The following PPP2R5E variants were observed in gnomAD, a reference collection of about 807,000 sequenced individuals.
The protein encoded by PPP2R5E is serine/threonine-protein phosphatase 2A 56 kDa regulatory subunit epsilon isoform.
Under a neutral mutation model 65.3 loss-of-function variants are expected in PPP2R5E, and 4 were observed. The ratio of observed to expected loss-of-function variants is 0.06; its 90% confidence interval spans 0.03 to 0.14. The LOEUF is 0.14. Among genes scored for constraint, PPP2R5E ranks in the 10% least tolerant of loss-of-function variants. PPP2R5E has a pLI of 1.00. For synonymous variants in PPP2R5E, 183 were observed against 187.4 expected (o/e 0.98, Z 0.19); for missense variants, 274 against 556.1 (o/e 0.49, Z 5.10).
rs1044267379 is a variant in PPP2R5E, at chr14:63,393,932, G to C, written c.741-4C>G. Reference sequence around the variant, plus strand: ...TAAAGCAAAGCCATTGATAATACTAGGGAGAAAAAAGAGACACAAATTAGC... The same window carrying C: ...TAAAGCAAAGCCATTGATAATACTACGGAGAAAAAAGAGACACAAATTAGC... On this transcript the variant is annotated splice_region_variant and splice_polypyrimidine_tract_variant and intron_variant, in intron 7 of 13. Transcript: ENST00000337537. The C allele has an allele frequency of 1.3e-6, 2 of 1,556,662 alleles. No individual in the cohort carries two copies. The highest frequency in any genetic ancestry group is 1.4e-5 in the African/African-American group (1 of 73,434).
Position 63,449,769 on chromosome 14 carries a change from G to A in PPP2R5E, c.354+3920C>T, listed in dbSNP as rs1594888059. Among the ~76,000 whole-genome samples the A allele has an allele frequency of 4.5e-5, 6 of 134,376 alleles. No individual in the cohort carries two copies. In the Admixed American group the frequency reaches 5.5e-4, roughly 12 times the overall value. The allele number at this position is 134,376 out of a possible 152,430, so 88.2% of individuals were successfully genotyped here. A position where few individuals can be genotyped will look rare whatever the true frequency, so the allele number is the denominator to read the frequency against. On this transcript the variant is annotated intron_variant, in intron 3 of 13. Coordinates refer to ENST00000337537, the MANE Select transcript of PPP2R5E (RefSeq NM_006246.5). ...CCACACAAAAATGGAGAACCCCTAA[G>A]TTAAAGTAACTTGCTCACATTGATG...
intron 12 of PPP2R5E, among the ~76,000 whole-genome samples, chr14:63,384,052 C>T (rs1884518785): frequency 6.6e-6 from 1 of 152,176 alleles, no homozygotes; most frequent in South Asian, 2.1e-4. Context: ...CTGCTTTTTA[C>T]ATCTTTGTGC....
At chr14:63,438,436 T>A (rs1888045990) in intron 3 of PPP2R5E, among the ~76,000 whole-genome samples, 1 of 152,212 alleles carries the variant, frequency 6.6e-6, no homozygotes, top group Admixed American at 6.5e-5. Context: ...CCAGAAGCAT[T>A]GCTTATACCT....
intron 2 of PPP2R5E, among the ~76,000 whole-genome samples, chr14:63,517,948 T>C (rs1397547688): frequency 6.6e-6 from 1 of 152,146 alleles, no homozygotes; most frequent in Non-Finnish European, 1.5e-5. Flanking sequence ...TGCATTATGT[T>C]CCCCACTATT....
At chr14:63,431,245 C>T (rs970610150) in intron 3 of PPP2R5E, among the ~76,000 whole-genome samples, 2 of 149,864 alleles carry the variant, frequency 1.3e-5, no homozygotes, top group Non-Finnish European at 3.0e-5. Flanking sequence ...TCCAGCCTGG[C>T]GACAGAGCTA....
At chr14:63,420,064 G>C (rs1886918086) in intron 4 of PPP2R5E, among the ~76,000 whole-genome samples, 1 of 151,968 alleles carries the variant, frequency 6.6e-6, no homozygotes, top group Non-Finnish European at 1.5e-5. Context: ...AAAGTTTATT[G>C]TACTTTAGGG....
rs957071145 is a variant in PPP2R5E at position 63,372,898 on chromosome 14, G to C, written c.*3111C>G. The C allele has an allele frequency of 5.3e-5, 8 of 151,998 alleles. No homozygotes were observed. Among genetic ancestry groups the C allele is most frequent in the African/African-American group, 1.4e-4 (6 of 41,394 alleles). 9.4% of individuals were successfully genotyped at this position (151,998 alleles called of 1,614,324 possible). On this transcript the variant is annotated 3_prime_UTR_variant, in exon 14 of 14. Transcript: ENST00000337537. ...ATAACCCTGCTTGTGAGTATCCAGT[G>C]GCATCGAGGGTATTATTTATTTCTT...
At position 63,396,440 on chromosome 14, in the gene PPP2R5E, G is replaced by A. The variant is rs183519193; in HGVS notation, c.680+146C>T. The A allele has an allele frequency of 5.0e-3, 5,242 of 1,038,148 alleles. 57 individuals carry two copies. The highest frequency in any genetic ancestry group is 4.3e-3 in the Non-Finnish European group (3,164 of 729,694). The allele number at this position is 1,038,148 out of a possible 1,614,324, so 64.3% of individuals were successfully genotyped here. On this transcript the variant is annotated intron_variant, in intron 6 of 13. Transcript: ENST00000337537. ...AGGAGGGGGAGGGGGTAGAGGAAGA[G>A]GCAGGAGAGTCAGTAGAATGAAGGA...
chr14:63,388,385 C>T (rs528108496), intron 11 of PPP2R5E, among the ~76,000 whole-genome samples: 19 of 152,282 alleles, frequency 1.2e-4, no homozygotes, highest in East Asian at 5.8e-4. Context: ...ATGATCCACC[C>T]GCCTCAGCCT....
chr14:63,458,754 G>A (rs1889290196), intron 2 of PPP2R5E, among the ~76,000 whole-genome samples: 1 of 152,092 alleles, frequency 6.6e-6, no homozygotes, highest in Admixed American at 6.5e-5. Flanking sequence ...CTATAACATT[G>A]CTTGAGCTCC....
chr14:63,397,502 T>TAA (rs1163450765), intron 5 of PPP2R5E, among the ~76,000 whole-genome samples: 958 of 62,262 alleles, frequency 0.015, 21 homozygotes, highest in Non-Finnish European at 0.024. Flanking sequence ...ATTCGGTCTT[T>TAA]AAAAAAAAAA....
At chr14:63,492,254 T>C (rs896458602) in intron 2 of PPP2R5E, among the ~76,000 whole-genome samples, 4 of 152,102 alleles carry the variant, frequency 2.6e-5, no homozygotes, top group Non-Finnish European at 5.9e-5. Context: ...AAAATAATAA[T>C]GCTTTATTTT....
chr14:63,405,412 A>G (rs1413504652), intron 5 of PPP2R5E, among the ~76,000 whole-genome samples: 2 of 152,192 alleles, frequency 1.3e-5, no homozygotes, highest in African/African-American at 4.8e-5. Context: ...GAGTTTTTAA[A>G]AACACAATAA....
At chr14:63,476,007 C>T (rs1890394559) in intron 2 of PPP2R5E, among the ~76,000 whole-genome samples, 1 of 152,022 alleles carries the variant, frequency 6.6e-6, no homozygotes, top group Admixed American at 6.6e-5. Flanking sequence ...TGAATACATA[C>T]ATTCTTCATT....
chr14:63,522,851 A>T (rs1892998785), intron 2 of PPP2R5E, among the ~76,000 whole-genome samples: 1 of 147,718 alleles, frequency 6.8e-6, no homozygotes, highest in African/African-American at 2.5e-5. Context: ...CCCGTCCAGG[A>T]GGGAGGTGGG....
At chr14:63,531,085 CTGAACTCG>C (rs1216671759) in intron 2 of PPP2R5E, among the ~76,000 whole-genome samples, 2 of 152,272 alleles carry the variant, frequency 1.3e-5, no homozygotes, top group Admixed American at 1.3e-4. Flanking sequence ...GGAGAATTTC[CTGAACTCG>C]GGAGGCGGAG....
At chr14:63,525,156 C>T (rs1175636734) in intron 2 of PPP2R5E, among the ~76,000 whole-genome samples, 2 of 152,124 alleles carry the variant, frequency 1.3e-5, no homozygotes, top group Admixed American at 6.6e-5. Flanking sequence ...CCTGGCACAC[C>T]GAAAAACCAA....
rs183341798 is a variant in PPP2R5E, at chr14:63,465,826, T to G, written c.158-11941A>C. Reference sequence around the variant, plus strand: ...GGAATTACGGAACAAATTTCCAGGATGTGCCTGAGAGTCAGCATCACTGAA... The same window carrying G: ...GGAATTACGGAACAAATTTCCAGGAGGTGCCTGAGAGTCAGCATCACTGAA... On this transcript the variant is annotated intron_variant, in intron 2 of 13. Transcript: ENST00000337537. 8.3e-3 allele frequency among the ~76,000 whole-genome samples: 1,270 copies of G among 152,306 alleles called. 9 individuals are homozygous for G. The highest frequency in any genetic ancestry group is 0.014 in the Non-Finnish European group (937 of 68,026).
intron 2 of PPP2R5E, among the ~76,000 whole-genome samples, chr14:63,490,153 A>G (rs1166467017): frequency 6.6e-6 from 1 of 152,104 alleles, no homozygotes; most frequent in African/African-American, 2.4e-5. Flanking sequence ...CTAGCCACAT[A>G]TAACTACTGA....
Sources: gnomAD v4.1 joint callset for allele counts (sites outside exome capture counted in the v4.1 genomes callset) on GRCh38, gnomAD v4.1.1 for gene constraint, MANE v1.5 for transcripts, NCBI Gene and HGNC (gene_info 2026-07-23, HGNC 2026-07-21) for gene names.